NALF1: variants seen among roughly 807,000 people sequenced by gnomAD.
NALF1 encodes the protein family with sequence similarity 155 member A.
A neutral mutation model predicts 48.4 loss-of-function variants in NALF1; 3 were observed. The observed-to-expected ratio is 0.06, with a 90% CI of 0.03 to 0.16. The LOEUF (loss-of-function observed/expected upper bound fraction) is 0.16, where lower values mean the gene tolerates loss of function less well. Among genes scored for constraint, NALF1 ranks in the 10% least tolerant of loss-of-function variants. The pLI, the probability that NALF1 is intolerant of heterozygous loss-of-function variation, is 1.00. For missense variants in NALF1, 526 were observed against 571.5 expected (o/e 0.92, Z 0.81); for synonymous variants, 262 against 245.7 (o/e 1.07, Z -0.62).
At chr13:107,441,216 G>A (rs779269021) in intron 1 of NALF1, among the ~76,000 whole-genome samples, 11 of 152,166 alleles carry the variant, frequency 7.2e-5, no homozygotes, top group South Asian at 4.1e-4. Context: ...TGACAAGATT[G>A]ATATATTTCA....
intron 2 of NALF1, among the ~76,000 whole-genome samples, chr13:107,175,208 T>G (rs1339047412): frequency 6.6e-6 from 1 of 151,930 alleles, no homozygotes; most frequent in Non-Finnish European, 1.5e-5. Context: ...CTTTATCATC[T>G]CAAAAAGAAA....
At chr13:107,652,776 A>C (rs1594185619) in intron 1 of NALF1, among the ~76,000 whole-genome samples, 1 of 152,244 alleles carries the variant, frequency 6.6e-6, no homozygotes, top group South Asian at 2.1e-4. Flanking sequence ...CTTCCATTTT[A>C]TTCTGCCTGC....
At chr13:107,591,822 T>C (rs548549609) in intron 1 of NALF1, among the ~76,000 whole-genome samples, 7 of 152,028 alleles carry the variant, frequency 4.6e-5, no homozygotes, top group Non-Finnish European at 8.8e-5. Context: ...TCTGAACATT[T>C]TCCCTCAACA....
chr13:107,379,812 C>G (rs1377593599), intron 1 of NALF1, among the ~76,000 whole-genome samples: 1 of 152,194 alleles, frequency 6.6e-6, no homozygotes, highest in Non-Finnish European at 1.5e-5. Flanking sequence ...CTTAAGACAA[C>G]TTATCATAGA....
At chr13:107,536,851 T>C (rs1876835283) in intron 1 of NALF1, among the ~76,000 whole-genome samples, 2 of 152,252 alleles carry the variant, frequency 1.3e-5, no homozygotes, top group South Asian at 4.1e-4. Flanking sequence ...AGTGATAGAC[T>C]GGATTAAGAA....
chr13:107,450,841 A>G (rs562737285), intron 1 of NALF1, among the ~76,000 whole-genome samples: 1 of 152,216 alleles, frequency 6.6e-6, no homozygotes, highest in Non-Finnish European at 1.5e-5. Context: ...CCAATACTAA[A>G]TATTTAACTA....
chr13:107,374,026 T>A (rs568365524), intron 1 of NALF1, among the ~76,000 whole-genome samples: 76 of 152,362 alleles, frequency 5.0e-4, no homozygotes, highest in African/African-American at 1.8e-3. Context: ...TTCTTTGTAA[T>A]GAAAATTATT....
intron 1 of NALF1, among the ~76,000 whole-genome samples, chr13:107,481,800 G>A (rs537193587): frequency 1.3e-5 from 2 of 152,266 alleles, no homozygotes; most frequent in South Asian, 2.1e-4. Context: ...TAGAGGACAG[G>A]AAGTTTTTGA....
At chr13:107,618,065 A>C (rs1181935679) in intron 1 of NALF1, among the ~76,000 whole-genome samples, 1 of 152,222 alleles carries the variant, frequency 6.6e-6, no homozygotes, top group Non-Finnish European at 1.5e-5. Context: ...ACACAAATGC[A>C]TTTAAAGCTA....
intron 1 of NALF1, among the ~76,000 whole-genome samples, chr13:107,374,816 A>G (rs1883308683): frequency 6.6e-6 from 1 of 152,082 alleles, no homozygotes; most frequent in Non-Finnish European, 1.5e-5. Context: ...TCTCTCTCCC[A>G]TGTTATGCTT....
At chr13:107,360,282 G>A (rs1594136536) in intron 1 of NALF1, among the ~76,000 whole-genome samples, 2 of 152,100 alleles carry the variant, frequency 1.3e-5, no homozygotes, top group African/African-American at 4.8e-5. Context: ...TGTTTGAATT[G>A]CAGCACAATT....
intron 1 of NALF1, among the ~76,000 whole-genome samples, chr13:107,347,859 C>A (rs909827970): frequency 1.3e-5 from 2 of 152,192 alleles, no homozygotes; most frequent in African/African-American, 2.4e-5. Context: ...ATGAAATGTT[C>A]CAAGCTTTTA....
chr13:107,778,349 G>A (rs1877795256), intron 1 of NALF1, among the ~76,000 whole-genome samples: 1 of 152,222 alleles, frequency 6.6e-6, no homozygotes, highest in Admixed American at 6.5e-5. Flanking sequence ...GTGCCCAGAG[G>A]AGGAAATCCA....
intron 1 of NALF1, among the ~76,000 whole-genome samples, chr13:107,358,406 C>T (rs1021480138): frequency 6.6e-6 from 1 of 152,078 alleles, no homozygotes; most frequent in African/African-American, 2.4e-5. Context: ...AAACATTTAG[C>T]AGTGCATGAT....
At chr13:107,805,893 A>G (rs924592268) in intron 1 of NALF1, among the ~76,000 whole-genome samples, 1 of 152,132 alleles carries the variant, frequency 6.6e-6, no homozygotes, top group Admixed American at 6.5e-5. Context: ...TCACAAAATC[A>G]CGGAAAAAAT....
At chr13:107,841,314 G>T (rs1594308046) in intron 1 of NALF1, among the ~76,000 whole-genome samples, 1 of 152,216 alleles carries the variant, frequency 6.6e-6, no homozygotes, top group Non-Finnish European at 1.5e-5. Context: ...TGCATGAAGA[G>T]ACAGCCCTCT....
intron 1 of NALF1, among the ~76,000 whole-genome samples, chr13:107,703,719 T>TA (rs1266667664): frequency 6.6e-6 from 1 of 152,126 alleles, no homozygotes; most frequent in Non-Finnish European, 1.5e-5. Flanking sequence ...TCTGGAAACT[T>TA]ACTTCTTTTC....
intron 1 of NALF1, among the ~76,000 whole-genome samples, chr13:107,525,603 A>G (rs989152419): frequency 1.3e-5 from 2 of 152,068 alleles, no homozygotes; most frequent in Non-Finnish European, 2.9e-5. Flanking sequence ...ATAAACATAT[A>G]TTTTTCTGTC....
chr13:107,420,438 AT>A (rs1326596817), intron 1 of NALF1, among the ~76,000 whole-genome samples: 1 of 152,096 alleles, frequency 6.6e-6, no homozygotes, highest in Non-Finnish European at 1.5e-5. Context: ...ATGTTTTAGC[AT>A]TTTTTTATTA....
Sources: allele counts gnomAD v4.1 joint callset (sites outside exome capture counted in the v4.1 genomes callset), GRCh38; gene constraint gnomAD v4.1.1; transcripts MANE v1.5; gene names NCBI Gene and HGNC (gene_info 2026-07-23, HGNC 2026-07-21).